RNF13: variants seen among roughly 807,000 people sequenced by gnomAD.
RNF13 encodes the protein E3 ubiquitin-protein ligase RNF13.
RNF13 carries 19 observed loss-of-function variants against 37.7 expected under a neutral mutation model. The observed-to-expected ratio is 0.50, with a 90% CI of 0.35 to 0.74. RNF13 has a LOEUF of 0.74. Ranked by LOEUF, RNF13 falls within the 30% of genes least tolerant of loss-of-function variation. The pLI, the probability that RNF13 is intolerant of heterozygous loss-of-function variation, is 0.01. For synonymous variants in RNF13, 144 were observed against 157.8 expected, an observed-to-expected ratio of 0.91 and a Z score of 0.65; for missense variants, 375 against 453.0, an observed-to-expected ratio of 0.83 and a Z score of 1.56.
chr3:149,953,346 A>G (rs1721526622), intron 8 of RNF13, among the ~76,000 whole-genome samples: 1 of 152,184 alleles, frequency 6.6e-6, no homozygotes, highest in East Asian at 1.9e-4. Flanking sequence ...CTATCATCTC[A>G]CCATCAGAAT....
Position 149,922,064 on chromosome 3 carries a change from C to T in RNF13, c.700+837C>T, listed in dbSNP as rs564945042. On this transcript the variant is annotated intron_variant, in intron 8 of 9. Coordinates refer to ENST00000392894, the MANE Select transcript of RNF13 (RefSeq NM_183381.3). ...TCTTGGCTCACTGCAGCCTCCGCCC[C>T]CCAGGTTCAAGAGATTCTCCTGCCT... Among the ~76,000 whole-genome samples, 6 of 152,136 alleles carry T rather than the reference C, an allele frequency of 3.9e-5. No homozygotes were observed. In the East Asian group the frequency reaches 9.6e-4, roughly 24 times the overall value.
At chr3:149,871,189 G>A (rs1370033973) in intron 3 of RNF13, among the ~76,000 whole-genome samples, 3 of 151,564 alleles carry the variant, frequency 2.0e-5, no homozygotes, top group Admixed American at 2.0e-4. Context: ...CTACAGGTGT[G>A]TGCCACCATG....
chr3:149,947,731 C>T (rs948361128), intron 8 of RNF13, among the ~76,000 whole-genome samples: 4 of 151,988 alleles, frequency 2.6e-5, no homozygotes, highest in Middle Eastern at 3.4e-3. Context: ...TGTTGCTTCA[C>T]GTATTTGACT....
intron 7 of RNF13, among the ~76,000 whole-genome samples, chr3:149,919,098 G>A (rs146170497): frequency 0.011 from 1,746 of 152,040 alleles, 22 homozygotes; most frequent in Middle Eastern, 0.02. Flanking sequence ...ATGAACATTT[G>A]CATTATATTG....
At chr3:149,836,458 T>C (rs1370346482) in intron 1 of RNF13, among the ~76,000 whole-genome samples, 3 of 152,132 alleles carry the variant, frequency 2.0e-5, no homozygotes, top group Non-Finnish European at 4.4e-5. Context: ...TATATATATG[T>C]CTATCATAAA....
chr3:149,878,286 T>A (rs945962607), intron 4 of RNF13, among the ~76,000 whole-genome samples: 2 of 152,154 alleles, frequency 1.3e-5, no homozygotes, highest in Non-Finnish European at 2.9e-5. Context: ...ATACTATAAA[T>A]GAACGATGTC....
chr3:149,930,263 T>G (rs1719036877), intron 8 of RNF13, among the ~76,000 whole-genome samples: 1 of 152,188 alleles, frequency 6.6e-6, no homozygotes, highest in Admixed American at 6.5e-5. Flanking sequence ...TTGGGTAGTG[T>G]CAGTTCATTG....
intron 3 of RNF13, 48 bp from the exon 4 acceptor site, chr3:149,871,981 G>A (rs990335963): frequency 1.9e-5 from 28 of 1,501,952 alleles, no homozygotes; most frequent in Non-Finnish European, 2.4e-5. Context: ...TAAGTTGATT[G>A]ATTTACTGAG....
rs1458444694 is a variant in RNF13 at position 149,961,430 on chromosome 3, T to G, written c.*326T>G. On this transcript the variant is annotated 3_prime_UTR_variant, in exon 10 of 10. Transcript: ENST00000392894. ...ATCACAGTATTTAAGTGTTTTGCGTTTTATACATGAGGTCAGTGCTACAGC... is the reference window on the plus strand; with the variant it reads ...ATCACAGTATTTAAGTGTTTTGCGTGTTATACATGAGGTCAGTGCTACAGC... 1 of 472,752 alleles carries G rather than the reference T, an allele frequency of 2.1e-6. No homozygotes were observed. The allele number at this position is 472,752 out of a possible 1,614,324, so 29.3% of individuals were successfully genotyped here. A position where few individuals can be genotyped will look rare whatever the true frequency, so the allele number is the denominator to read the frequency against.
At chr3:149,830,676 A>T (rs1720938054) in intron 1 of RNF13, among the ~76,000 whole-genome samples, 1 of 148,232 alleles carries the variant, frequency 6.7e-6, no homozygotes. Context: ...AGAAAAGAAA[A>T]ACCCATTTTC....
intron 6 of RNF13, among the ~76,000 whole-genome samples, chr3:149,904,997 C>A (rs1425688131): frequency 3.3e-5 from 5 of 152,232 alleles, no homozygotes; most frequent in Non-Finnish European, 7.4e-5. Flanking sequence ...ATCAGCCAGT[C>A]CCCTGTTGAT....
chr3:149,881,040 T>C (rs1424483193), intron 4 of RNF13, among the ~76,000 whole-genome samples: 1 of 152,172 alleles, frequency 6.6e-6, no homozygotes, highest in Non-Finnish European at 1.5e-5. Flanking sequence ...TATATGAAAT[T>C]TCTTTTTATT....
At chr3:149,837,214 A>G (rs1331544306) in intron 1 of RNF13, among the ~76,000 whole-genome samples, 1 of 152,254 alleles carries the variant, frequency 6.6e-6, no homozygotes, top group East Asian at 1.9e-4. Flanking sequence ...ATAATTTTTC[A>G]TGCATTTAGT....
intron 1 of RNF13, among the ~76,000 whole-genome samples, chr3:149,825,708 T>A (rs188910081): frequency 2.2e-4 from 33 of 152,322 alleles, no homozygotes; most frequent in African/African-American, 7.5e-4. Context: ...GTTTGTCCCT[T>A]TGTAATGTCT....
chr3:149,903,962 T>C (rs559075094), intron 6 of RNF13, among the ~76,000 whole-genome samples: 2 of 152,142 alleles, frequency 1.3e-5, no homozygotes, highest in South Asian at 4.1e-4. Context: ...TGTCTGTCTG[T>C]CTGTCTGTCT....
chr3:149,828,825 G>A (rs375311924), intron 1 of RNF13, among the ~76,000 whole-genome samples: 14 of 152,208 alleles, frequency 9.2e-5, no homozygotes, highest in African/African-American at 3.4e-4. Flanking sequence ...ATTCAATAGG[G>A]AACTTTTTTA....
intron 1 of RNF13, among the ~76,000 whole-genome samples, chr3:149,837,423 G>A (rs982032175): frequency 7.9e-5 from 12 of 152,096 alleles, no homozygotes; most frequent in African/African-American, 2.7e-4. Context: ...TACAGCTATT[G>A]TATTAGTCCT....
Position 149,960,853 on chromosome 3 carries a change from A to C in RNF13, c.895A>C (p.Ser299Arg). 1 of 1,614,220 alleles carries C rather than the reference A, an allele frequency of 6.2e-7. No homozygotes were observed. ...QGDSDSDTDS[S>R]QEENEVTEHT... ...CGATTCAGACTCTGACACAGACAGT[A>C]GTCAAGAAGAAAATGAAGTGACAGA... is the stretch of plus-strand genomic sequence containing the variant. The change falls in exon 10 of 10, where the codon AGT becomes CGT. Residue 299 changes from serine to arginine, a missense_variant. Physicochemically the swap from Ser to Arg is moderately radical, Grantham distance 110. Transcript: ENST00000392894.
intron 8 of RNF13, among the ~76,000 whole-genome samples, chr3:149,948,914 A>G (rs1400902764): frequency 6.6e-6 from 1 of 152,086 alleles, no homozygotes; most frequent in East Asian, 1.9e-4. Context: ...TGTGGTCCCA[A>G]CTACTTGGGG....
Sources: gnomAD v4.1 joint callset for allele counts (sites outside exome capture counted in the v4.1 genomes callset) on GRCh38, gnomAD v4.1.1 for gene constraint, MANE v1.5 for transcripts, NCBI Gene and HGNC (gene_info 2026-07-23, HGNC 2026-07-21) for gene names.